Variants in BRWD3 observed in about 807,000 individuals in gnomAD.
BRWD3 encodes bromodomain and WD repeat-containing protein 3.
A neutral mutation model predicts 149.7 loss-of-function variants in BRWD3; 10 were observed. The ratio of observed to expected loss-of-function variants is 0.07; its 90% CI spans 0.04 to 0.11. The LOEUF (loss-of-function observed/expected upper bound fraction) is 0.11. BRWD3 is among the 10% of genes least tolerant of loss of function. BRWD3 has a pLI of 1.00. For missense variants in BRWD3, 940 were observed against 1,373.2 expected (o/e 0.68, Z 4.99); for synonymous variants, 504 against 456.7 (o/e 1.10, Z -1.32).
rs753632145 is a variant in BRWD3 at position 80,692,729 on chromosome X, CTTTG to C, written c.3263+207_3263+210del. Among the ~76,000 whole-genome samples, 8 of 111,696 alleles carry C rather than the reference CTTTG, an allele frequency of 7.2e-5. No homozygotes were observed. The South Asian group carries it at 3.0e-3, about 41-fold the overall frequency. On this transcript the variant is annotated intron_variant, in intron 28 of 40. Coordinates refer to ENST00000373275, the MANE Select transcript of BRWD3 (RefSeq NM_153252.5). ...GTAGCAATAAAGTGTTTAGTTATTC[CTTTG>C]TTTTAGTCAAAGAAAACAAAGAACT...
intron 6 of BRWD3, among the ~76,000 whole-genome samples, chrX:80,776,973 T>C (rs1030059831): frequency 1.8e-5 from 2 of 111,104 alleles, no homozygotes; most frequent in Non-Finnish European, 3.8e-5. Flanking sequence ...AGGCCTTTCA[T>C]TGTTACTTGG....
At chrX:80,686,738 C>T (rs1283149498) in intron 35 of BRWD3, 125 bp downstream of exon 35, 2 of 710,908 alleles carry the variant, frequency 2.8e-6, no homozygotes, top group African/African-American at 2.2e-5. Flanking sequence ...ACTACTTTCA[C>T]AATCAAAAGA....
chrX:80,805,905 A>C (rs773053188), intron 4 of BRWD3, among the ~76,000 whole-genome samples: 24 of 111,943 alleles, frequency 2.1e-4, no homozygotes, highest in African/African-American at 7.8e-4. Context: ...ACTGCACTCC[A>C]GCCTGGCAAT....
intron 6 of BRWD3, among the ~76,000 whole-genome samples, chrX:80,750,499 G>A (rs2073651355): frequency 9.0e-6 from 1 of 111,071 alleles, no homozygotes; most frequent in Admixed American, 9.6e-5. Context: ...CAGTCATCAG[G>A]GACATGCAAA....
chrX:80,793,808 T>TTTA (rs1447183206), intron 4 of BRWD3, 36 bp from the exon 5 acceptor site: 5 of 1,128,318 alleles, frequency 4.4e-6, no homozygotes, highest in Non-Finnish European at 6.1e-6. Context: ...GAAAAACACA[T>TTTA]TTATTTGGTT....
rs752788404 is a variant in BRWD3, at chrX:80,798,392, A to G, written c.181-4620T>C. On this transcript the variant is annotated intron_variant, in intron 4 of 40. Coordinates refer to ENST00000373275, the MANE Select transcript of BRWD3 (RefSeq NM_153252.5). ...CAAAATAAGAACTCTTACCCCGAAT[A>G]GTTTTTTTTTTACATTTTTAAATAA... Among the ~76,000 whole-genome samples, 7 of 110,030 alleles carry G rather than the reference A, an allele frequency of 6.4e-5. No individual in the cohort carries two copies. The East Asian group carries it at 2.0e-3, about 31-fold the overall frequency.
At chrX:80,678,858 G>A (rs776613500) in intron 40 of BRWD3, among the ~76,000 whole-genome samples, 5 of 111,448 alleles carry the variant, frequency 4.5e-5, no homozygotes, top group Admixed American at 9.5e-5. Flanking sequence ...CCTAATCCCC[G>A]AAGTGACTGC....
Position 80,744,081 on chromosome X carries a change from G to A in BRWD3, c.764C>T (p.Ala255Val). ...VVRVWCLRTC[A>V]PVAVLQGHSA... is the part of the protein sequence containing the mutation. ...ATGGCCCTGAAGGACTGCAACGGGTGCACAAGTTCGAAGACACCATACTCT... is the reference window on the plus strand; with the variant it reads ...ATGGCCCTGAAGGACTGCAACGGGTACACAAGTTCGAAGACACCATACTCT... Residue 255 changes from alanine (A) to valine (V), a missense_variant, in exon 8 of 41, where the codon GCA (alanine) becomes GTA (valine). Physicochemically the swap from Ala to Val is moderately conservative, Grantham distance 64. Coordinates refer to ENST00000373275, the MANE Select transcript of BRWD3 (RefSeq NM_153252.5). 8.3e-7 allele frequency: 1 copy of A among 1,211,380 alleles called. No homozygotes were observed. Among genetic ancestry groups the A allele is most frequent in the Non-Finnish European group, 1.1e-6 (1 of 895,232 alleles).
intron 20 of BRWD3, among the ~76,000 whole-genome samples, chrX:80,714,319 C>G (rs910261141): frequency 1.9e-5 from 2 of 104,402 alleles, no homozygotes; most frequent in African/African-American, 7.1e-5. Context: ...CCTTGGCCTC[C>G]AAGGTTCAAG....
intron 20 of BRWD3, among the ~76,000 whole-genome samples, chrX:80,715,140 C>G (rs937922332): frequency 1.0e-4 from 11 of 109,290 alleles, no homozygotes; most frequent in African/African-American, 3.7e-4. Flanking sequence ...TCAGCCAAGT[C>G]TGATGTTTGA....
chrX:80,789,050 C>G (rs1190087993), intron 6 of BRWD3, among the ~76,000 whole-genome samples: 2 of 111,868 alleles, frequency 1.8e-5, no homozygotes, highest in Admixed American at 9.5e-5. Flanking sequence ...AAAAAGACAG[C>G]CTTTTATGTC....
intron 6 of BRWD3, among the ~76,000 whole-genome samples, chrX:80,747,243 GA>G (rs754629119): frequency 1.8e-5 from 2 of 109,315 alleles, no homozygotes; most frequent in Non-Finnish European, 3.8e-5. Flanking sequence ...ATGCAGGGGA[GA>G]AAGGTTACTT....
chrX:80,690,936 A>T, intron 31 of BRWD3, 117 bp downstream of exon 31: 1 of 877,656 alleles, frequency 1.1e-6, no homozygotes, highest in East Asian at 3.2e-5. Context: ...TTTAAAGGAA[A>T]TTTTGGTGTG....
intron 9 of BRWD3, among the ~76,000 whole-genome samples, chrX:80,735,446 ATCT>A (rs1185587435): frequency 8.9e-6 from 1 of 111,759 alleles, no homozygotes; most frequent in Non-Finnish European, 1.9e-5. Context: ...ATTATGAGAA[ATCT>A]TCTTACCAAA....
At chrX:80,789,285 T>TC (rs2074149469) in intron 6 of BRWD3, among the ~76,000 whole-genome samples, 1 of 112,734 alleles carries the variant, frequency 8.9e-6, no homozygotes, top group African/African-American at 3.2e-5. Flanking sequence ...ATAACCAAGT[T>TC]CCCCAAATCT....
At chrX:80,713,018 G>T (rs1471418864) in intron 20 of BRWD3, among the ~76,000 whole-genome samples, 31 of 109,034 alleles carry the variant, frequency 2.8e-4, no homozygotes, top group Non-Finnish European at 5.2e-4. Context: ...GGAGGGAGGT[G>T]GGGGGGCCAG....
intron 18 of BRWD3, 33 bp downstream of exon 18, chrX:80,719,456 A>G (rs761896299): frequency 3.5e-6 from 4 of 1,152,114 alleles, no homozygotes; most frequent in South Asian, 3.6e-5. Context: ...ACAGTACATA[A>G]ACTACACCCT....
chrX:80,761,791 A>AT lies in BRWD3; in HGVS notation c.431-16063dup, dbSNP rs1251480531. ...GGTTCCATACTGAGATAAAATCAGT[A>AT]TTTTTTATGAAATCTATACTCCACA... On this transcript the variant is annotated intron_variant, in intron 6 of 40. Transcript: ENST00000373275. 5.4e-5 allele frequency among the ~76,000 whole-genome samples: 6 copies of AT among 111,639 alleles called. No homozygotes were observed. The Admixed American group carries it at 5.7e-4, about 11-fold the overall frequency.
rs933934529 is a variant in BRWD3 at position 80,719,370 on chromosome X, G to A, written c.2044+119C>T. Reference sequence around the variant, plus strand: ...CTTCAATATATCTGATATCAAAATTGTAAATTAATAAAAAAGTTTTTATTT... The same window carrying A: ...CTTCAATATATCTGATATCAAAATTATAAATTAATAAAAAAGTTTTTATTT... On this transcript the variant is annotated intron_variant, in intron 18 of 40. Transcript: ENST00000373275. The A allele has an allele frequency of 6.2e-6, 4 of 643,514 alleles. No homozygotes were observed. In the Admixed American group the frequency reaches 1.2e-4, roughly 19 times the overall value. The allele number at this position is 643,514 out of a possible 1,213,427, so 53.0% of individuals were successfully genotyped here.
Sources: allele counts gnomAD v4.1 joint callset (sites outside exome capture counted in the v4.1 genomes callset), GRCh38; gene constraint gnomAD v4.1.1; transcripts MANE v1.5; gene names NCBI Gene and HGNC (gene_info 2026-07-23, HGNC 2026-07-21).